RGS7: variants seen among roughly 807,000 people sequenced by gnomAD.
RGS7 encodes the protein regulator of G protein signaling 7.
RGS7 carries 27 observed loss-of-function variants against 81.1 expected under a neutral mutation model. That is an observed-to-expected ratio of 0.33 (90% CI 0.25 to 0.46). RGS7 has a LOEUF of 0.46. Among genes scored for constraint, RGS7 ranks in the 20% least tolerant of loss-of-function variants. The probability of loss-of-function intolerance (pLI) is 1.00; values close to 1 mark genes in which losing one functional copy is unlikely to be tolerated. For synonymous variants in RGS7, 208 were observed against 207.7 expected (o/e 1.00, Z -0.01); for missense variants, 396 against 607.4 (o/e 0.65, Z 3.66).
chr1:241,235,354 GACTA>G (rs1291508555), intron 2 of RGS7, among the ~76,000 whole-genome samples: 5 of 152,320 alleles, frequency 3.3e-5, no homozygotes, highest in African/African-American at 1.2e-4. Flanking sequence ...GTCAAGAGCA[GACTA>G]ACTAACATAA....
chr1:240,899,959 A>T (rs968496019), intron 6 of RGS7, among the ~76,000 whole-genome samples: 1 of 152,170 alleles, frequency 6.6e-6, no homozygotes, highest in Non-Finnish European at 1.5e-5. Flanking sequence ...ACATAGTTCC[A>T]TATTTCTTGA....
intron 3 of RGS7, among the ~76,000 whole-genome samples, chr1:241,009,732 G>A (rs1263932321): frequency 2.0e-5 from 3 of 152,164 alleles, no homozygotes; most frequent in Non-Finnish European, 4.4e-5. Context: ...ATACTTGAAT[G>A]GGCATGTTAG....
At chr1:241,211,678 G>T (rs1042807817) in intron 2 of RGS7, among the ~76,000 whole-genome samples, 1 of 152,160 alleles carries the variant, frequency 6.6e-6, no homozygotes, top group Non-Finnish European at 1.5e-5. Flanking sequence ...CGAGCACTTT[G>T]AAGTTTCTAA....
At chr1:240,811,884 C>T in intron 14 of RGS7, 34 bp downstream of exon 14, 1 of 1,571,590 alleles carries the variant, frequency 6.4e-7, no homozygotes. Context: ...GACAGTATTT[C>T]TCTGGCTTAT....
intron 2 of RGS7, among the ~76,000 whole-genome samples, chr1:241,126,762 T>G (rs2066691804): frequency 6.6e-6 from 1 of 152,072 alleles, no homozygotes. Flanking sequence ...GCTATAATTA[T>G]TTCTCCTTTT....
rs531930345 is a variant in RGS7 at position 241,003,258 on chromosome 1, A to G, written c.176-20129T>C. Among the ~76,000 whole-genome samples the G allele has an allele frequency of 5.3e-5, 8 of 152,110 alleles. No homozygotes were observed. In the East Asian group the frequency reaches 1.4e-3, roughly 26 times the overall value. On this transcript the variant is annotated intron_variant, in intron 3 of 18. Coordinates refer to ENST00000440928, the MANE Select transcript of RGS7 (RefSeq NM_001364886.1). Reference sequence around the variant, plus strand: ...AGGCGGATCATGAGTTCAGGAGATCAAGACCATCCTGGCTAGCACAGCGAA... The same window carrying G: ...AGGCGGATCATGAGTTCAGGAGATCGAGACCATCCTGGCTAGCACAGCGAA...
chr1:240,949,022 GCA>G (rs1428174706), intron 4 of RGS7, among the ~76,000 whole-genome samples: 8 of 151,932 alleles, frequency 5.3e-5, no homozygotes, highest in Non-Finnish European at 1.2e-4. Flanking sequence ...TAGCTAAAAT[GCA>G]CAGTCTTTTA....
chr1:241,339,047 C>T lies in RGS7; in HGVS notation c.78+16652G>A, dbSNP rs80031608. Among the ~76,000 whole-genome samples the T allele has an allele frequency of 5.1e-3, 771 of 152,198 alleles. 8 individuals are homozygous for T. The highest frequency in any genetic ancestry group is 0.018 in the African/African-American group (727 of 41,526). ...ATTTATCCTGATGCTCTCTGCCCCC[C>T]AACCCCAACAGGCCCCAGTGCGTGT... On this transcript the variant is annotated intron_variant, in intron 2 of 18. Transcript: ENST00000440928.
At chr1:241,112,274 T>C (rs1488811080) in intron 2 of RGS7, among the ~76,000 whole-genome samples, 1 of 152,134 alleles carries the variant, frequency 6.6e-6, no homozygotes, top group Admixed American at 6.5e-5. Context: ...ACTTATAAAA[T>C]GCAGCCCAGA....
intron 4 of RGS7, among the ~76,000 whole-genome samples, chr1:240,959,013 C>G (rs1680911786): frequency 6.6e-6 from 1 of 152,210 alleles, no homozygotes; most frequent in East Asian, 1.9e-4. Flanking sequence ...CTGGTATAAG[C>G]AGAACGTATC....
At chr1:240,789,491 A>T (rs1387514121) in intron 18 of RGS7, among the ~76,000 whole-genome samples, 1 of 152,218 alleles carries the variant, frequency 6.6e-6, no homozygotes, top group Non-Finnish European at 1.5e-5. Flanking sequence ...AAATGGGAGA[A>T]ATATCGCTGA....
At chr1:240,992,827 A>G (rs970316020) in intron 3 of RGS7, among the ~76,000 whole-genome samples, 6 of 143,864 alleles carry the variant, frequency 4.2e-5, no homozygotes, top group Non-Finnish European at 9.1e-5. Flanking sequence ...AGGTGCTGAA[A>G]CCTTGTCTCT....
intron 2 of RGS7, among the ~76,000 whole-genome samples, chr1:241,212,222 C>T (rs1023401922): frequency 2.6e-5 from 4 of 151,928 alleles, no homozygotes; most frequent in African/African-American, 9.7e-5. Context: ...GAAGTGTATT[C>T]ACTTATGGTT....
intron 2 of RGS7, among the ~76,000 whole-genome samples, chr1:241,108,302 CAA>C (rs34848063): frequency 0.014 from 1,012 of 70,828 alleles, 7 homozygotes; most frequent in African/African-American, 0.042. Flanking sequence ...GACTCCGTCT[CAA>C]AAAAAAAAAA....
chr1:240,859,660 AG>A (rs1355248537), intron 9 of RGS7, among the ~76,000 whole-genome samples: 7 of 151,854 alleles, frequency 4.6e-5, no homozygotes, highest in African/African-American at 1.7e-4. Context: ...TTCCAAAAAA[AG>A]TTTTGATTTT....
At chr1:240,801,742 G>A (rs1304635895) in intron 16 of RGS7, among the ~76,000 whole-genome samples, 2 of 152,134 alleles carry the variant, frequency 1.3e-5, no homozygotes, top group Non-Finnish European at 2.9e-5. Flanking sequence ...AAAATGGTGT[G>A]ATTCAAGCAA....
rs144545629 is a variant in RGS7 at position 240,961,860 on chromosome 1, C to T, written c.226+21219G>A. Among the ~76,000 whole-genome samples, 1,012 of 151,514 alleles carry T rather than the reference C, an allele frequency of 6.7e-3. 13 individuals are homozygous for T. The highest frequency in any genetic ancestry group is 0.023 in the African/African-American group (960 of 41,196). On this transcript the variant is annotated intron_variant, in intron 4 of 18. Transcript: ENST00000440928. ...ATTGTCCAAAACTTTTCACTTTATG[C>T]AAGCTCAGAGAGAAAAAGAGAGAAG...
chr1:241,093,958 C>T (rs549755770), intron 3 of RGS7, among the ~76,000 whole-genome samples: 2 of 152,054 alleles, frequency 1.3e-5, no homozygotes, highest in East Asian at 1.9e-4. Flanking sequence ...AAGTCGAAGT[C>T]GAAAACATAG....
chr1:241,035,789 T>C (rs531243689), intron 3 of RGS7, among the ~76,000 whole-genome samples: 1 of 152,332 alleles, frequency 6.6e-6, no homozygotes, highest in African/African-American at 2.4e-5. Context: ...TACTGTATGC[T>C]TAACACCATT....
Sources: allele counts gnomAD v4.1 joint callset (sites outside exome capture counted in the v4.1 genomes callset), GRCh38; gene constraint gnomAD v4.1.1; transcripts MANE v1.5; gene names NCBI Gene and HGNC (gene_info 2026-07-23, HGNC 2026-07-21).